Variants in RPS6KC1 observed in about 807,000 individuals in gnomAD.
RPS6KC1 encodes the protein inactive ribosomal protein S6 kinase delta-1.
In RPS6KC1, 54 loss-of-function variants were observed where a neutral mutation model predicts 103.8. The observed-to-expected ratio is 0.52, with a 90% CI of 0.42 to 0.65. RPS6KC1 has a LOEUF of 0.65. Ranked by LOEUF, RPS6KC1 falls within the 30% of genes least tolerant of loss-of-function variation. RPS6KC1 has a pLI of 0.00. For synonymous variants in RPS6KC1, 439 were observed against 438.7 expected, an observed-to-expected ratio of 1.00 and a Z score of -0.01; for missense variants, 1,151 against 1,253.8, an observed-to-expected ratio of 0.92 and a Z score of 1.24.
At chr1:213,579,314 C>T in the RPS6KC1 span, among the ~76,000 whole-genome samples, 2 of 152,046 alleles carry the variant, frequency 1.3e-5, no homozygotes, top group Non-Finnish European at 1.5e-5. Context: ...TGGGCTAATA[C>T]AGCCATAACT....
intron 2 of RPS6KC1, among the ~76,000 whole-genome samples, chr1:213,074,377 AG>A (rs1232564407): frequency 2.6e-5 from 4 of 152,238 alleles, no homozygotes; most frequent in Admixed American, 2.6e-4. Flanking sequence ...ATAAAGAAAG[AG>A]GTTGTTATAG....
intron 14 of RPS6KC1, among the ~76,000 whole-genome samples, chr1:213,272,029 C>T (rs1209282616): frequency 1.3e-5 from 2 of 152,088 alleles, no homozygotes; most frequent in East Asian, 3.8e-4. Flanking sequence ...GTCAACTATG[C>T]CAAAGACTAG....
the RPS6KC1 span, among the ~76,000 whole-genome samples, chr1:213,670,436 T>C: frequency 7.2e-5 from 11 of 152,324 alleles, no homozygotes; most frequent in South Asian, 1.0e-3. Flanking sequence ...GACAGCTAGC[T>C]CAGAGCCTTT....
chr1:213,622,465 A>T, the RPS6KC1 span, among the ~76,000 whole-genome samples: 1 of 152,094 alleles, frequency 6.6e-6, no homozygotes, highest in Non-Finnish European at 1.5e-5. Context: ...CACAGGAAGT[A>T]TCTACAGACT....
chr1:213,168,021 T>A, intron 7 of RPS6KC1, 48 bp downstream of exon 7: 1 of 1,133,960 alleles, frequency 8.8e-7, no homozygotes, highest in Non-Finnish European at 1.3e-6. Context: ...TTTTTTGCTG[T>A]CTGGTCTCTC....
chr1:213,705,670 G>A, the RPS6KC1 span, among the ~76,000 whole-genome samples: 2 of 152,228 alleles, frequency 1.3e-5, no homozygotes, highest in Non-Finnish European at 2.9e-5. Flanking sequence ...AGTGGAAGGA[G>A]CCTTGCCCTG....
chr1:213,142,309 T>G (rs879896162), intron 6 of RPS6KC1, among the ~76,000 whole-genome samples: 1 of 152,018 alleles, frequency 6.6e-6, no homozygotes, highest in Admixed American at 6.6e-5. Context: ...TATAGTTGGG[T>G]CTTGCTGTTT....
At chr1:213,845,905 T>A in the RPS6KC1 span, among the ~76,000 whole-genome samples, 113 of 152,226 alleles carry the variant, frequency 7.4e-4, no homozygotes, top group African/African-American at 2.5e-3. Context: ...AGATCCTGGA[T>A]CCTATGCCTT....
intron 6 of RPS6KC1, among the ~76,000 whole-genome samples, chr1:213,160,160 A>T (rs1401076335): frequency 1.3e-5 from 2 of 152,222 alleles, no homozygotes; most frequent in Non-Finnish European, 2.9e-5. Context: ...TCTCAGAAGC[A>T]TACTGTGTTG....
the RPS6KC1 span, among the ~76,000 whole-genome samples, chr1:213,438,169 T>C: frequency 6.6e-6 from 1 of 152,180 alleles, no homozygotes; most frequent in East Asian, 1.9e-4. Context: ...AATTTTCTGG[T>C]GACATTTCCG....
chr1:213,784,714 T>C, the RPS6KC1 span, among the ~76,000 whole-genome samples: 1 of 152,192 alleles, frequency 6.6e-6, no homozygotes, highest in Non-Finnish European at 1.5e-5. Flanking sequence ...GCCAACTGGA[T>C]GGCGCTTTTC....
At chr1:213,495,436 C>T in the RPS6KC1 span, among the ~76,000 whole-genome samples, 1 of 152,180 alleles carries the variant, frequency 6.6e-6, no homozygotes, top group African/African-American at 2.4e-5. Context: ...ATTCTCCTGC[C>T]TCAGCCTCCT....
intron 8 of RPS6KC1, among the ~76,000 whole-genome samples, chr1:213,203,910 C>T (rs757754969): frequency 6.6e-6 from 1 of 152,122 alleles, no homozygotes; most frequent in Non-Finnish European, 1.5e-5. Context: ...CTACCTTTCC[C>T]ATCCCGGAAG....
chr1:213,077,687 T>C lies in RPS6KC1; in HGVS notation c.142-9T>C. The stretch of plus-strand genomic sequence containing the variant: ...TTATGAGATACATGTTTAATTTTTT[T>C]CTCTCTAGATAATTGTATGGAAGAG... On this transcript the variant is annotated splice_polypyrimidine_tract_variant and intron_variant, in intron 2 of 14. Coordinates refer to ENST00000366960, the MANE Select transcript of RPS6KC1 (RefSeq NM_012424.6). The C allele has an allele frequency of 7.1e-7, 1 of 1,403,798 alleles. No individual in the cohort carries two copies. The highest frequency in any genetic ancestry group is 2.4e-5 in the East Asian group (1 of 41,230). 87.0% of individuals were successfully genotyped at this position (1,403,798 alleles called of 1,614,324 possible).
At chr1:213,358,789 A>C in the RPS6KC1 span, among the ~76,000 whole-genome samples, 1 of 152,042 alleles carries the variant, frequency 6.6e-6, no homozygotes, top group African/African-American at 2.4e-5. Context: ...GAACATCTTT[A>C]TTTCTGCCTT....
the RPS6KC1 span, among the ~76,000 whole-genome samples, chr1:213,637,530 C>T: frequency 2.0e-5 from 3 of 151,860 alleles, no homozygotes; most frequent in African/African-American, 4.8e-5. Context: ...CAGGCCTGCA[C>T]GTTGTGCTTA....
At chr1:213,854,923 A>G in the RPS6KC1 span, among the ~76,000 whole-genome samples, 7 of 152,278 alleles carry the variant, frequency 4.6e-5, no homozygotes, top group Admixed American at 4.6e-4. Flanking sequence ...ACAGAAATTA[A>G]TTTTCTCACA....
chr1:213,359,074 G>C, the RPS6KC1 span, among the ~76,000 whole-genome samples: 2 of 152,142 alleles, frequency 1.3e-5, no homozygotes, highest in Non-Finnish European at 2.9e-5. Context: ...TGTTAGTTCT[G>C]CTTGGTGCAG....
rs566404928 is a variant in RPS6KC1 at position 213,117,250 on chromosome 1, CTA to C, written c.379-65_379-64del. Reference sequence around the variant, plus strand: ...CTTTACACATACTTAATTGGGATAACTATTTTTTATTTAGTGTTGTTTATGCT... The same window carrying C: ...CTTTACACATACTTAATTGGGATAACTTTTTTATTTAGTGTTGTTTATGCT... On this transcript the variant is annotated intron_variant, in intron 4 of 14. Transcript: ENST00000366960. 2.0e-3 allele frequency: 1,601 copies of C among 818,038 alleles called. 2 individuals carry two copies. Among genetic ancestry groups the C allele is most frequent in the Non-Finnish European group, 2.8e-3 (1,402 of 504,902 alleles). The allele number at this position is 818,038 out of a possible 1,614,324, so 50.7% of individuals were successfully genotyped here. A position where few individuals can be genotyped will look rare whatever the true frequency, so the allele number is the denominator to read the frequency against.
Sources: gnomAD v4.1 joint callset for allele counts (sites outside exome capture counted in the v4.1 genomes callset) on GRCh38, gnomAD v4.1.1 for gene constraint, MANE v1.5 for transcripts, NCBI Gene and HGNC (gene_info 2026-07-23, HGNC 2026-07-21) for gene names.